Variants in FAM117B observed in about 807,000 individuals in gnomAD.
FAM117B encodes the protein family with sequence similarity 117 member B, also known as protein FAM117B.
In FAM117B, 22 loss-of-function variants were observed where a neutral mutation model predicts 52.8. That is an observed-to-expected ratio of 0.42 (90% CI 0.30 to 0.59). The LOEUF (loss-of-function observed/expected upper bound fraction) is 0.59, where lower values mean the gene tolerates loss of function less well. Ranked by LOEUF, FAM117B falls within the 20% of genes least tolerant of loss-of-function variation. FAM117B has a pLI of 0.22. For missense variants in FAM117B, 678 were observed against 802.6 expected (o/e 0.84, Z 1.88); for synonymous variants, 309 against 324.1 (o/e 0.95, Z 0.50).
chr2:202,702,865 T>A (rs1690816314), intron 2 of FAM117B, among the ~76,000 whole-genome samples: 1 of 152,146 alleles, frequency 6.6e-6, no homozygotes, highest in Non-Finnish European at 1.5e-5. Flanking sequence ...ATTTTTTAAA[T>A]CAATATTTTA....
rs558146075 is a variant in FAM117B, at chr2:202,766,362, A to G, written c.*598A>G. On this transcript the variant is annotated 3_prime_UTR_variant, in exon 8 of 8. Transcript: ENST00000392238. ...TCCCAGCAATCTTAATCTCATGACT[A>G]TGTTCTTCTCCCAAACAAGGATTGA... The G allele has an allele frequency of 1.3e-5, 2 of 152,842 alleles. No individual in the cohort carries two copies. The highest frequency in any genetic ancestry group is 2.1e-4 in the South Asian group (1 of 4,818). 9.5% of individuals were successfully genotyped at this position (152,842 alleles called of 1,614,324 possible). A position where few individuals can be genotyped will look rare whatever the true frequency, so the allele number is the denominator to read the frequency against.
At chr2:202,752,061 A>G (rs912013878) in intron 4 of FAM117B, among the ~76,000 whole-genome samples, 1 of 152,124 alleles carries the variant, frequency 6.6e-6, no homozygotes, top group Admixed American at 6.5e-5. Flanking sequence ...AAAAAGGGAA[A>G]AATTAGGAGA....
At chr2:202,647,636 T>C (rs1689891175) in intron 1 of FAM117B, among the ~76,000 whole-genome samples, 1 of 152,214 alleles carries the variant, frequency 6.6e-6, no homozygotes, top group Non-Finnish European at 1.5e-5. Flanking sequence ...ATTCTTTCCA[T>C]AGAAATCTAG....
At chr2:202,731,031 T>C (rs1451865512) in intron 4 of FAM117B, among the ~76,000 whole-genome samples, 1 of 152,128 alleles carries the variant, frequency 6.6e-6, no homozygotes, top group African/African-American at 2.4e-5. Context: ...TAAAGAACTC[T>C]TGCAACTCAG....
At chr2:202,705,099 G>A (rs1000780118) in intron 2 of FAM117B, among the ~76,000 whole-genome samples, 1 of 151,974 alleles carries the variant, frequency 6.6e-6, no homozygotes, top group South Asian at 2.1e-4. Flanking sequence ...CTGAGGTTGG[G>A]AGTTTGAGAC....
Position 202,640,619 on chromosome 2 carries a change from CTTT to C in FAM117B, c.601+4840_601+4842del, listed in dbSNP as rs763962350. Among the ~76,000 whole-genome samples the C allele has an allele frequency of 6.9e-5, 10 of 144,302 alleles. No individual in the cohort carries two copies. The East Asian group carries it at 1.6e-3, about 23-fold the overall frequency. 94.7% of individuals were successfully genotyped at this position (144,302 alleles called of 152,430 possible). A position where few individuals can be genotyped will look rare whatever the true frequency, so the allele number is the denominator to read the frequency against. ...CTAACATTACACATTCAAGGGAATT[CTTT>C]TTTTTTTTGGAGACTGGGTCTCTGT... On this transcript the variant is annotated intron_variant, in intron 1 of 7. Coordinates refer to ENST00000392238, the MANE Select transcript of FAM117B (RefSeq NM_173511.4).
intron 1 of FAM117B, among the ~76,000 whole-genome samples, chr2:202,666,547 A>G (rs1365502636): frequency 1.3e-5 from 2 of 151,820 alleles, no homozygotes; most frequent in African/African-American, 4.8e-5. Context: ...ATATTTTGAC[A>G]CTGCTAGCTG....
intron 2 of FAM117B, among the ~76,000 whole-genome samples, chr2:202,714,632 A>G (rs1254552530): frequency 2.0e-5 from 3 of 149,680 alleles, no homozygotes; most frequent in Admixed American, 2.0e-4. Flanking sequence ...CAGCAGATAA[A>G]CAAGTGAACA....
At chr2:202,749,430 CT>C (rs1392643152) in intron 4 of FAM117B, among the ~76,000 whole-genome samples, 1 of 124,054 alleles carries the variant, frequency 8.1e-6, no homozygotes. Context: ...GGTTACAGGT[CT>C]GGTATAATGT....
In FAM117B at chr2:202,635,870, G is replaced by A. The variant is rs1022412791; in HGVS notation, c.601+82G>A. ...CGCGCGCTGCAATCGCGCGGGGACT[G>A]CAGAGCTGCCGCGGAGCCCGGGTGG... On this transcript the variant is annotated intron_variant, in intron 1 of 7. Coordinates refer to ENST00000392238, the MANE Select transcript of FAM117B (RefSeq NM_173511.4). The A allele has an allele frequency of 1.3e-3, 1,653 of 1,272,470 alleles. 2 individuals are homozygous for A. Among genetic ancestry groups the A allele is most frequent in the Middle Eastern group, 3.1e-3 (10 of 3,272 alleles). The allele number at this position is 1,272,470 out of a possible 1,614,324, so 78.8% of individuals were successfully genotyped here. A position where few individuals can be genotyped will look rare whatever the true frequency, so the allele number is the denominator to read the frequency against.
At chr2:202,660,684 AT>A (rs1412310037) in intron 1 of FAM117B, among the ~76,000 whole-genome samples, 1 of 152,112 alleles carries the variant, frequency 6.6e-6, no homozygotes, top group East Asian at 1.9e-4. Context: ...CAAAGCCAGG[AT>A]TTTTAACCTC....
intron 2 of FAM117B, among the ~76,000 whole-genome samples, chr2:202,710,901 T>C (rs145764247): frequency 6.6e-6 from 1 of 152,196 alleles, no homozygotes; most frequent in Admixed American, 6.5e-5. Flanking sequence ...TTTTTTGTTA[T>C]GGCTGAATAG....
Position 202,635,795 on chromosome 2 carries a change from G to T in FAM117B, c.601+7G>T. 7.0e-7 allele frequency: 1 copy of T among 1,433,358 alleles called. No individual in the cohort carries two copies. The highest frequency in any genetic ancestry group is 9.1e-7 in the Non-Finnish European group (1 of 1,094,712). 88.8% of individuals were successfully genotyped at this position (1,433,358 alleles called of 1,614,324 possible). On this transcript the variant is annotated splice_region_variant and intron_variant, in intron 1 of 7. Coordinates refer to ENST00000392238, the MANE Select transcript of FAM117B (RefSeq NM_173511.4). ...GCCCCGGTTTGCAAAGCAGGTAAGT[G>T]CTGGGGGTCGCGCAGCAAGGGGGAG...
chr2:202,768,957 CTGAGTCTATTACT>C lies in FAM117B; in HGVS notation c.*3196_*3208del, dbSNP rs1324782019. The C allele has an allele frequency of 1.3e-5, 2 of 151,960 alleles. No individual in the cohort carries two copies. The highest frequency in any genetic ancestry group is 1.3e-4 in the Admixed American group (2 of 15,260). The allele number at this position is 151,960 out of a possible 1,614,324, so 9.4% of individuals were successfully genotyped here. A position where few individuals can be genotyped will look rare whatever the true frequency, so the allele number is the denominator to read the frequency against. ...ATAAATTTACTGTTTCTGATCATGA[CTGAGTCTATTACT>C]TGTCATGGCTTTTGTACGCAACTGT... On this transcript the variant is annotated 3_prime_UTR_variant, in exon 8 of 8. Transcript: ENST00000392238.
intron 7 of FAM117B, among the ~76,000 whole-genome samples, chr2:202,760,218 A>G (rs1691864806): frequency 6.6e-6 from 1 of 152,218 alleles, no homozygotes; most frequent in Non-Finnish European, 1.5e-5. Flanking sequence ...TGTTTGCAGA[A>G]TGTCTTCTGT....
intron 2 of FAM117B, among the ~76,000 whole-genome samples, chr2:202,721,366 A>G (rs1042109647): frequency 1.3e-5 from 2 of 152,142 alleles, no homozygotes; most frequent in African/African-American, 4.8e-5. Flanking sequence ...GCAAAAAACT[A>G]TTTTCATAAA....
chr2:202,635,596 C>G lies in FAM117B; in HGVS notation c.409C>G (p.Pro137Ala). ...CGCCGCGCCTGGAGCTCGCGGGAGC[C>G]CCCCACGGCCGCCGCCGCCGCCGCC... is the stretch of plus-strand genomic sequence containing the variant. Reference protein sequence around the residue: ...RSAAPGARGSPPRPPPPPPLL... With the variant: ...RSAAPGARGSAPRPPPPPPLL... The change falls in exon 1 of 8, where the codon CCC (proline) becomes GCC (alanine). Residue 137 changes from proline to alanine, a missense_variant. Pro to Ala is a conservative substitution (Grantham distance 27). Around this residue, in one of 3 missense-constraint regions of FAM117B, gnomAD observed 583 missense variants for 644.8 expected, o/e 0.90. Coordinates refer to ENST00000392238, the MANE Select transcript of FAM117B (RefSeq NM_173511.4). 1.6e-6 allele frequency: 2 copies of G among 1,264,602 alleles called. No homozygotes were observed. The highest frequency in any genetic ancestry group is 2.0e-6 in the Non-Finnish European group (2 of 1,010,760). 78.3% of individuals were successfully genotyped at this position (1,264,602 alleles called of 1,614,324 possible). A position where few individuals can be genotyped will look rare whatever the true frequency, so the allele number is the denominator to read the frequency against.
Position 202,757,312 on chromosome 2 carries a change from AG to A in FAM117B, c.1208del (p.Gly403GlufsTer100). ...CACACAGACGCCTGGTGGGGCAGAC[AG>A]GGGAAGCAACAACAGCAGCCGTTCC... ...IDTQTPGGAD[R>X]GSNNSSRSQS... On this transcript the variant is annotated frameshift_variant, in exon 6 of 8. Transcript: ENST00000392238. LOFTEE classifies it high-confidence loss of function. The A allele has an allele frequency of 6.2e-7, 1 of 1,614,138 alleles. No individual in the cohort carries two copies. Among genetic ancestry groups the A allele is most frequent in the Non-Finnish European group, 8.5e-7 (1 of 1,180,022 alleles).
Position 202,740,639 on chromosome 2 carries a change from TG to T in FAM117B, c.960+14278del, listed in dbSNP as rs373225863. 6.6e-5 allele frequency among the ~76,000 whole-genome samples: 10 copies of T among 152,292 alleles called. No homozygotes were observed. The South Asian group carries it at 1.9e-3, about 28-fold the overall frequency. On this transcript the variant is annotated intron_variant, in intron 4 of 7. Coordinates refer to ENST00000392238, the MANE Select transcript of FAM117B (RefSeq NM_173511.4). ...ATTCTAAATCTAAAATAATTGGTTT[TG>T]GTACATATTCTCTAACCTTTAGATG...
Sources: gnomAD v4.1 joint callset for allele counts (sites outside exome capture counted in the v4.1 genomes callset) on GRCh38, gnomAD v4.1.1 for gene constraint, gnomAD v4.1.1 regional missense constraint, MANE v1.5 for transcripts, NCBI Gene and HGNC (gene_info 2026-07-23, HGNC 2026-07-21) for gene names.